CALN1: variants seen among roughly 807,000 people sequenced by gnomAD.
CALN1 encodes the protein calneuron 1.
A neutral mutation model predicts 30.6 loss-of-function variants in CALN1; 17 were observed. The ratio of observed to expected loss-of-function variants is 0.56; its 90% CI spans 0.38 to 0.83. CALN1 has a LOEUF of 0.83. Ranked by LOEUF, CALN1 falls within the 40% of genes least tolerant of loss-of-function variation. The probability of loss-of-function intolerance (pLI) is 0.00; values close to 1 mark genes in which losing one functional copy is unlikely to be tolerated. For missense variants in CALN1, 291 were observed against 354.9 expected, an observed-to-expected ratio of 0.82 and a Z score of 1.45; for synonymous variants, 156 against 131.4, an observed-to-expected ratio of 1.19 and a Z score of -1.28.
chr7:72,284,730 G>C (rs1014587355), intron 2 of CALN1, among the ~76,000 whole-genome samples: 2 of 152,114 alleles, frequency 1.3e-5, no homozygotes, highest in South Asian at 2.1e-4. Flanking sequence ...TCTTCAGCTT[G>C]CTGACAGCAG....
At chr7:72,115,344 ATTT>A (rs1333682465) in intron 3 of CALN1, among the ~76,000 whole-genome samples, 1 of 140,958 alleles carries the variant, frequency 7.1e-6, no homozygotes, top group African/African-American at 2.6e-5. Flanking sequence ...CTCCACCTGG[ATTT>A]TTTTTTTTTT....
rs151118370 is a variant in CALN1 at position 72,389,460 on chromosome 7, G to C, written c.119+13791C>G. On this transcript the variant is annotated intron_variant, in intron 2 of 6. Coordinates refer to ENST00000395275, the MANE Select transcript of CALN1 (RefSeq NM_031468.4). ...TGTCAGAGGCATCTTCTTTACACTA[G>C]GAAAAGAATTCAAAAATCTGAGTCT... is the stretch of plus-strand genomic sequence containing the variant. Among the ~76,000 whole-genome samples the C allele has an allele frequency of 1.3e-3, 192 of 152,284 alleles. 3 individuals are homozygous for C. The highest frequency in any genetic ancestry group is 4.3e-3 in the African/African-American group (179 of 41,560).
chr7:72,056,570 T>G (rs1048072864), intron 4 of CALN1, among the ~76,000 whole-genome samples: 2 of 151,916 alleles, frequency 1.3e-5, no homozygotes, highest in Non-Finnish European at 2.9e-5. Flanking sequence ...AATATATAGG[T>G]AAAATGAAGA....
intron 3 of CALN1, among the ~76,000 whole-genome samples, chr7:72,148,443 A>C (rs1786953209): frequency 6.6e-6 from 1 of 151,412 alleles, no homozygotes; most frequent in South Asian, 2.1e-4. Flanking sequence ...AAAAGAAAAA[A>C]AGAAAAAAAA....
intron 1 of CALN1, among the ~76,000 whole-genome samples, chr7:72,407,085 G>C (rs918987372): frequency 6.6e-6 from 1 of 152,118 alleles, no homozygotes; most frequent in Admixed American, 6.5e-5. Flanking sequence ...TCTATCACCT[G>C]CATCACTTTT....
At chr7:72,337,057 C>T (rs1245017255) in intron 2 of CALN1, 1 of 985,624 alleles carries the variant, frequency 1.0e-6, no homozygotes, top group Non-Finnish European at 1.2e-6. Context: ...CTCTACCCCT[C>T]CCGCTCCCGC....
intron 5 of CALN1, among the ~76,000 whole-genome samples, chr7:71,952,123 T>A (rs1194859217): frequency 6.6e-6 from 1 of 152,204 alleles, no homozygotes; most frequent in African/African-American, 2.4e-5. Flanking sequence ...ATGAAGAGTC[T>A]GCCCAGCAGC....
chr7:72,098,760 GCGCGCACACACACACACA>G (rs1806417647), intron 4 of CALN1, among the ~76,000 whole-genome samples: 3 of 101,366 alleles, frequency 3.0e-5, no homozygotes, highest in South Asian at 2.7e-4. Context: ...AGCCCATTTG[GCGCGCACACACACACACA>G]CACACACACA....
chr7:71,851,436 T>C (rs1790641073), intron 5 of CALN1, among the ~76,000 whole-genome samples: 1 of 151,628 alleles, frequency 6.6e-6, no homozygotes, highest in Admixed American at 6.6e-5. Flanking sequence ...CCAGAATTGC[T>C]TGAATCTAGG....
intron 5 of CALN1, among the ~76,000 whole-genome samples, chr7:71,904,757 AT>A (rs1794039537): frequency 1.3e-5 from 2 of 152,238 alleles, no homozygotes; most frequent in African/African-American, 4.8e-5. Flanking sequence ...CATTTAATTT[AT>A]CCCACAATGT....
intron 3 of CALN1, among the ~76,000 whole-genome samples, chr7:72,233,252 A>G (rs1320730887): frequency 6.6e-6 from 1 of 151,792 alleles, no homozygotes; most frequent in Non-Finnish European, 1.5e-5. Context: ...ATTTGAGTAA[A>G]GGACCCACTG....
chr7:72,421,754 T>A (rs1304019895), intron 1 of CALN1, among the ~76,000 whole-genome samples: 1 of 151,888 alleles, frequency 6.6e-6, no homozygotes, highest in Non-Finnish European at 1.5e-5. Flanking sequence ...ACCCAGCTAA[T>A]TTTTTTGTAA....
chr7:72,314,848 AAAAC>A (rs1309727221), intron 2 of CALN1, among the ~76,000 whole-genome samples: 4 of 151,458 alleles, frequency 2.6e-5, no homozygotes, highest in Admixed American at 6.6e-5. Flanking sequence ...TAAAAAAAAA[AAAAC>A]AAAAAAAACT....
At chr7:72,003,365 T>C (rs1799619297) in intron 5 of CALN1, among the ~76,000 whole-genome samples, 1 of 152,156 alleles carries the variant, frequency 6.6e-6, no homozygotes, top group African/African-American at 2.4e-5. Context: ...ATTGCTTTCA[T>C]GGATGAAAAC....
intron 5 of CALN1, among the ~76,000 whole-genome samples, chr7:72,020,104 G>A (rs760050223): frequency 2.0e-4 from 30 of 152,202 alleles, no homozygotes; most frequent in Non-Finnish European, 3.7e-4. Flanking sequence ...CTGTCAGCCA[G>A]GATGGAGTGC....
In CALN1 at chr7:72,317,330, CA is replaced by C. The variant is rs1284999722; in HGVS notation, c.120-38521del. Among the ~76,000 whole-genome samples the C allele has an allele frequency of 2.6e-5, 4 of 152,146 alleles. No homozygotes were observed. In the East Asian group the frequency reaches 7.7e-4, roughly 29 times the overall value. ...GGGAAGGTGTTTCCAAATGAGAAAGCAAAAATGAGACAGCAGCAGTTTTCTC... is the reference window on the plus strand; with the variant it reads ...GGGAAGGTGTTTCCAAATGAGAAAGCAAAATGAGACAGCAGCAGTTTTCTC... On this transcript the variant is annotated intron_variant, in intron 2 of 6. Transcript: ENST00000395275.
chr7:71,983,948 T>C (rs1301090926), intron 5 of CALN1, among the ~76,000 whole-genome samples: 1 of 152,038 alleles, frequency 6.6e-6, no homozygotes, highest in Non-Finnish European at 1.5e-5. Context: ...ATTAATAAAT[T>C]ATGATCGAAA....
chr7:72,472,099 G>A, the CALN1 span, among the ~76,000 whole-genome samples: 1 of 152,064 alleles, frequency 6.6e-6, no homozygotes, highest in African/African-American at 2.4e-5. Flanking sequence ...CCCAGCCAAG[G>A]AGGTCCTGTG....
At chr7:72,018,197 C>T (rs1044127576) in intron 5 of CALN1, among the ~76,000 whole-genome samples, 5 of 152,206 alleles carry the variant, frequency 3.3e-5, no homozygotes, top group African/African-American at 1.2e-4. Flanking sequence ...TCATAAGCCT[C>T]TTATTCTTGG....
Sources: gnomAD v4.1 joint callset for allele counts (sites outside exome capture counted in the v4.1 genomes callset) on GRCh38, gnomAD v4.1.1 for gene constraint, MANE v1.5 for transcripts, NCBI Gene and HGNC (gene_info 2026-07-23, HGNC 2026-07-21) for gene names.